The following NLGN1 variants were observed in gnomAD, a reference collection of about 807,000 sequenced individuals.
NLGN1 encodes the protein neuroligin 1.
A neutral mutation model predicts 65.5 loss-of-function variants in NLGN1; 12 were observed. That is an observed-to-expected ratio of 0.18 (90% CI 0.12 to 0.30). The LOEUF is 0.30. Ranked by LOEUF, NLGN1 falls within the 10% of genes least tolerant of loss-of-function variation. The pLI, the probability that NLGN1 is intolerant of heterozygous loss-of-function variation, is 1.00. For missense variants in NLGN1, 750 were observed against 1,007.1 expected, an observed-to-expected ratio of 0.74 and a Z score of 3.46; for synonymous variants, 350 against 359.5, an observed-to-expected ratio of 0.97 and a Z score of 0.30.
chr3:174,118,956 A>G (rs1036412314), intron 4 of NLGN1, among the ~76,000 whole-genome samples: 1 of 152,166 alleles, frequency 6.6e-6, no homozygotes, highest in Non-Finnish European at 1.5e-5. Flanking sequence ...ATTCTTCTCT[A>G]TAATCTTCTA....
At chr3:173,421,963 C>A (rs978371099) in intron 1 of NLGN1, among the ~76,000 whole-genome samples, 3 of 151,964 alleles carry the variant, frequency 2.0e-5, no homozygotes, top group African/African-American at 7.3e-5. Flanking sequence ...ATAGGATACC[C>A]ATAATATTTT....
At chr3:174,209,921 G>A (rs556634743) in intron 4 of NLGN1, among the ~76,000 whole-genome samples, 35 of 151,904 alleles carry the variant, frequency 2.3e-4, no homozygotes, top group Non-Finnish European at 4.1e-4. Context: ...GTGAACCACC[G>A]CGCCTGGCTG....
At chr3:173,479,474 G>T (rs1159961265) in intron 2 of NLGN1, among the ~76,000 whole-genome samples, 1 of 152,174 alleles carries the variant, frequency 6.6e-6, no homozygotes, top group Non-Finnish European at 1.5e-5. Flanking sequence ...GTGAAATCTG[G>T]TGGTGCTAGC....
chr3:173,678,192 A>G (rs1399324857), intron 3 of NLGN1, among the ~76,000 whole-genome samples: 1 of 152,106 alleles, frequency 6.6e-6, no homozygotes, highest in Non-Finnish European at 1.5e-5. Flanking sequence ...ACAGTCTCTA[A>G]TATAGTCATT....
intron 3 of NLGN1, among the ~76,000 whole-genome samples, chr3:173,676,511 T>G (rs1763191902): frequency 6.6e-6 from 1 of 152,172 alleles, no homozygotes; most frequent in Admixed American, 6.6e-5. Context: ...AAAGTTTTTG[T>G]TTGTTTTTTT....
At chr3:173,761,170 G>A (rs1367576270) in intron 3 of NLGN1, among the ~76,000 whole-genome samples, 1 of 152,004 alleles carries the variant, frequency 6.6e-6, no homozygotes, top group South Asian at 2.1e-4. Context: ...ATAAGTTAGT[G>A]TGCAATGACT....
chr3:173,976,893 T>A (rs1019189327), intron 4 of NLGN1, among the ~76,000 whole-genome samples: 1 of 152,106 alleles, frequency 6.6e-6, no homozygotes, highest in Non-Finnish European at 1.5e-5. Context: ...CTTCACTGAC[T>A]TGTATCTAGG....
intron 3 of NLGN1, among the ~76,000 whole-genome samples, chr3:173,729,904 A>G (rs1772484240): frequency 6.6e-6 from 1 of 151,964 alleles, no homozygotes; most frequent in African/African-American, 2.4e-5. Context: ...TTACATTTGC[A>G]TATCTATTTG....
chr3:174,182,213 C>T (rs997963425), intron 4 of NLGN1, among the ~76,000 whole-genome samples: 13 of 151,978 alleles, frequency 8.6e-5, no homozygotes, highest in African/African-American at 3.1e-4. Context: ...TAATATAGGA[C>T]TTCATTTTTC....
At chr3:173,738,989 A>G (rs1326673250) in intron 3 of NLGN1, among the ~76,000 whole-genome samples, 1 of 152,060 alleles carries the variant, frequency 6.6e-6, no homozygotes, top group Admixed American at 6.6e-5. Flanking sequence ...GGAGAAAGAA[A>G]AAGACTATTC....
intron 3 of NLGN1, among the ~76,000 whole-genome samples, chr3:173,621,012 C>T (rs567303610): frequency 6.6e-5 from 10 of 152,110 alleles, no homozygotes; most frequent in Admixed American, 1.3e-4. Flanking sequence ...TTGAATTCAA[C>T]GTGTATTTCC....
At chr3:173,870,790 C>T (rs996796379) in intron 4 of NLGN1, among the ~76,000 whole-genome samples, 2 of 152,154 alleles carry the variant, frequency 1.3e-5, no homozygotes, top group African/African-American at 4.8e-5. Context: ...GTCTCTGCCT[C>T]CAGTTCCTGG....
intron 4 of NLGN1, among the ~76,000 whole-genome samples, chr3:173,943,090 G>A (rs970905696): frequency 1.3e-5 from 2 of 151,954 alleles, no homozygotes; most frequent in East Asian, 1.9e-4. Flanking sequence ...GTTGGGCATG[G>A]TGGCACATGC....
At chr3:173,664,527 TA>T (rs910095629) in intron 3 of NLGN1, among the ~76,000 whole-genome samples, 1 of 152,068 alleles carries the variant, frequency 6.6e-6, no homozygotes, top group Admixed American at 6.6e-5. Context: ...TTAAAAGTGT[TA>T]AAAAAATGAG....
At chr3:173,997,506 C>G (rs1286026782) in intron 4 of NLGN1, among the ~76,000 whole-genome samples, 1 of 152,102 alleles carries the variant, frequency 6.6e-6, no homozygotes, top group Non-Finnish European at 1.5e-5. Context: ...TTCCAGGGCT[C>G]ATAGTCCCTA....
At chr3:173,915,333 A>G (rs1029788389) in intron 4 of NLGN1, among the ~76,000 whole-genome samples, 1 of 152,228 alleles carries the variant, frequency 6.6e-6, no homozygotes, top group Non-Finnish European at 1.5e-5. Context: ...ATGAGAAACA[A>G]TTAATTAATT....
intron 2 of NLGN1, among the ~76,000 whole-genome samples, chr3:173,539,604 G>T (rs1280770633): frequency 1.0e-5 from 1 of 96,742 alleles, no homozygotes; most frequent in Non-Finnish European, 2.1e-5. Context: ...TATAATATAT[G>T]TATGTTATAT....
At chr3:174,131,617 A>G (rs1720209206) in intron 4 of NLGN1, among the ~76,000 whole-genome samples, 1 of 152,224 alleles carries the variant, frequency 6.6e-6, no homozygotes, top group Non-Finnish European at 1.5e-5. Context: ...TTTAATATAA[A>G]CAGTGTAGTG....
At chr3:173,896,708 T>A (rs1736413971) in intron 4 of NLGN1, among the ~76,000 whole-genome samples, 1 of 152,132 alleles carries the variant, frequency 6.6e-6, no homozygotes, top group South Asian at 2.1e-4. Context: ...ATTCATACCA[T>A]AGATGCTGAC....
Sources: allele counts gnomAD v4.1 joint callset (sites outside exome capture counted in the v4.1 genomes callset), GRCh38; gene constraint gnomAD v4.1.1; transcripts MANE v1.5; gene names NCBI Gene and HGNC (gene_info 2026-07-23, HGNC 2026-07-21).